Variants in TMEM232 observed in about 807,000 individuals in gnomAD.
TMEM232 encodes the protein transmembrane protein 232.
In TMEM232, 80 loss-of-function variants were observed where a neutral mutation model predicts 78.8. The ratio of observed to expected loss-of-function variants is 1.01; its 90% confidence interval spans 0.85 to 1.22. The LOEUF is 1.22. TMEM232 is among the 50% of genes most tolerant of loss of function. TMEM232 has a pLI of 0.00. For missense variants in TMEM232, 881 were observed against 742.2 expected, an observed-to-expected ratio of 1.19 and a Z score of -2.17; for synonymous variants, 297 against 254.3, an observed-to-expected ratio of 1.17 and a Z score of -1.60.
intron 10 of TMEM232, among the ~76,000 whole-genome samples, chr5:110,569,086 C>A (rs1188525202): frequency 5.9e-5 from 9 of 151,704 alleles, no homozygotes; most frequent in Non-Finnish European, 4.4e-5. Flanking sequence ...ATGTGCAAAT[C>A]ATGTGAAAAG....
chr5:110,685,996 G>A (rs1472187585), intron 1 of TMEM232, among the ~76,000 whole-genome samples: 1 of 151,958 alleles, frequency 6.6e-6, no homozygotes, highest in Non-Finnish European at 1.5e-5. Context: ...AATGGAAGGT[G>A]GCATGATGGA....
chr5:110,467,626 G>A (rs1002224549), intron 12 of TMEM232, among the ~76,000 whole-genome samples: 30 of 152,102 alleles, frequency 2.0e-4, no homozygotes, highest in Admixed American at 1.2e-3. Flanking sequence ...AAAAATTTAC[G>A]CCTATATACA....
chr5:110,421,268 T>C (rs1756612382), intron 13 of TMEM232, among the ~76,000 whole-genome samples: 1 of 152,018 alleles, frequency 6.6e-6, no homozygotes, highest in Admixed American at 6.5e-5. Flanking sequence ...TAATTGGCCA[T>C]GATAATTTTT....
chr5:110,672,155 C>G (rs1791440350), intron 1 of TMEM232, among the ~76,000 whole-genome samples: 1 of 152,102 alleles, frequency 6.6e-6, no homozygotes, highest in South Asian at 2.1e-4. Flanking sequence ...ACAGAGTTGG[C>G]TATAATTAGT....
intron 10 of TMEM232, among the ~76,000 whole-genome samples, chr5:110,569,987 C>T (rs760545989): frequency 5.3e-5 from 8 of 151,808 alleles, no homozygotes; most frequent in Non-Finnish European, 1.0e-4. Context: ...CCTTCCATTC[C>T]ATTCATAGGA....
At chr5:110,577,944 TG>T (rs1184072070) in intron 10 of TMEM232, among the ~76,000 whole-genome samples, 1 of 151,896 alleles carries the variant, frequency 6.6e-6, no homozygotes, top group Admixed American at 6.6e-5. Flanking sequence ...GATAGTGACC[TG>T]GGTGATAAAA....
rs1308682815 is a variant in TMEM232, at chr5:110,568,642, A to G, written c.1277-17T>C. 1.3e-6 allele frequency: 2 copies of G among 1,520,572 alleles called. No individual in the cohort carries two copies. The highest frequency in any genetic ancestry group is 1.7e-4 in the Middle Eastern group (1 of 5,898). 94.2% of individuals were successfully genotyped at this position (1,520,572 alleles called of 1,614,324 possible). A position where few individuals can be genotyped will look rare whatever the true frequency, so the allele number is the denominator to read the frequency against. ...CTTGATCACCTGTTTAAAAAGAAAA[A>G]GTCTTTGGGAATTATCATTTTATTC... On this transcript the variant is annotated splice_polypyrimidine_tract_variant and intron_variant, in intron 10 of 13. Transcript: ENST00000455884.
At chr5:110,643,875 C>T (rs180731508) in intron 2 of TMEM232, among the ~76,000 whole-genome samples, 252 of 151,942 alleles carry the variant, frequency 1.7e-3, no homozygotes, top group Non-Finnish European at 2.4e-3. Flanking sequence ...TATAAGATAT[C>T]CCAGAACAGA....
At chr5:110,629,648 C>G (rs1308899112) in intron 5 of TMEM232, among the ~76,000 whole-genome samples, 1 of 152,030 alleles carries the variant, frequency 6.6e-6, no homozygotes, top group Non-Finnish European at 1.5e-5. Context: ...ATTTCCATCT[C>G]TTCTTCTCTT....
chr5:110,410,299 T>G (rs894816511), intron 2 of TMEM232, among the ~76,000 whole-genome samples: 2 of 152,236 alleles, frequency 1.3e-5, no homozygotes, highest in Admixed American at 1.3e-4. Context: ...ATGTATGTTT[T>G]AAATACTCAT....
At chr5:110,634,952 C>A (rs1435857176) in intron 5 of TMEM232, among the ~76,000 whole-genome samples, 1 of 151,512 alleles carries the variant, frequency 6.6e-6, no homozygotes, top group African/African-American at 2.4e-5. Flanking sequence ...CTAAACTAAC[C>A]AAGGAAAGAA....
Position 110,627,868 on chromosome 5 carries a change from C to T in TMEM232, c.514G>A (p.Val172Ile), listed in dbSNP as rs755082516. ...AAAAATATAAAAAGTCGTAAGAAGA[C>T]CAAATAGCCAATCTGTCAAAAGAGA... ...EIKLAKIGYL[V>I]FLRLFIFFLH... Residue 172 changes from valine (V) to isoleucine (I), a missense_variant, in exon 6 of 14, where the codon GTC becomes ATC. Physicochemically the swap from Val to Ile is conservative, Grantham distance 29. Transcript: ENST00000455884. 2.0e-6 allele frequency: 3 copies of T among 1,525,758 alleles called. No homozygotes were observed. The highest frequency in any genetic ancestry group is 1.3e-5 in the South Asian group (1 of 78,228). 94.5% of individuals were successfully genotyped at this position (1,525,758 alleles called of 1,614,324 possible).
Position 110,725,298 on chromosome 5 carries a change from G to C in TMEM232, c.-13+1329C>G, listed in dbSNP as rs535660060. ...TCATATATACTCTACATCTCTCTGA[G>C]TAGCAGTGTGACATGTAGTACTTTA... On this transcript the variant is annotated intron_variant, in intron 1 of 13. Coordinates refer to ENST00000455884, the MANE Select transcript of TMEM232 (RefSeq NM_001039763.4). Among the ~76,000 whole-genome samples the C allele has an allele frequency of 2.0e-5, 3 of 152,268 alleles. No individual in the cohort carries two copies. The East Asian group carries it at 5.8e-4, about 29-fold the overall frequency.
chr5:110,693,954 T>C (rs906361768), intron 1 of TMEM232, among the ~76,000 whole-genome samples: 2 of 151,856 alleles, frequency 1.3e-5, no homozygotes, highest in African/African-American at 4.8e-5. Flanking sequence ...ATACAGAGAA[T>C]GCCACAAAGA....
At chr5:110,483,680 C>G (rs1382355746) in intron 12 of TMEM232, among the ~76,000 whole-genome samples, 1 of 151,894 alleles carries the variant, frequency 6.6e-6, no homozygotes, top group African/African-American at 2.4e-5. Flanking sequence ...AGCACACCAA[C>G]ATGGCACATG....
At chr5:110,546,350 T>C (rs899978852) in intron 11 of TMEM232, among the ~76,000 whole-genome samples, 5 of 152,134 alleles carry the variant, frequency 3.3e-5, no homozygotes, top group African/African-American at 1.2e-4. Context: ...TTTAAAATTG[T>C]ATTTATGAAA....
At chr5:110,501,357 A>C (rs934657224) in intron 12 of TMEM232, among the ~76,000 whole-genome samples, 1 of 152,032 alleles carries the variant, frequency 6.6e-6, no homozygotes, top group Non-Finnish European at 1.5e-5. Flanking sequence ...GTAAGAGAAA[A>C]GTAGAATGTA....
intron 11 of TMEM232, among the ~76,000 whole-genome samples, chr5:110,562,663 A>C (rs149635750): frequency 2.1e-3 from 317 of 152,184 alleles, no homozygotes; most frequent in Middle Eastern, 0.01. Context: ...AATAAAGCTT[A>C]TGTGTAAAGG....
At chr5:110,654,522 T>C (rs922956991) in intron 2 of TMEM232, among the ~76,000 whole-genome samples, 1 of 152,200 alleles carries the variant, frequency 6.6e-6, no homozygotes, top group African/African-American at 2.4e-5. Context: ...TGTTTTGGTA[T>C]CAGTACCATG....
Sources: allele counts gnomAD v4.1 joint callset (sites outside exome capture counted in the v4.1 genomes callset), GRCh38; gene constraint gnomAD v4.1.1; transcripts MANE v1.5; gene names NCBI Gene and HGNC (gene_info 2026-07-23, HGNC 2026-07-21).